Variants in NBEA observed in about 807,000 individuals in gnomAD.
NBEA encodes lysosomal-trafficking regulator 2.
NBEA carries 44 observed loss-of-function variants against 343.4 expected under a neutral mutation model. That is an observed-to-expected ratio of 0.13 (90% CI 0.10 to 0.16). The LOEUF is 0.16. NBEA is among the 10% of genes least tolerant of loss of function. The pLI is 1.00. For missense variants in NBEA, 2,555 were observed against 3,631.3 expected (o/e 0.70, Z 7.62); for synonymous variants, 1,175 against 1,238.7 (o/e 0.95, Z 1.08).
chr13:35,417,329 G>A (rs183878421), intron 38 of NBEA, among the ~76,000 whole-genome samples: 100 of 152,000 alleles, frequency 6.6e-4, no homozygotes, highest in African/African-American at 2.3e-3. Flanking sequence ...TGTGTTGTTA[G>A]GGTGTCAATT....
At chr13:35,484,274 GTATA>G (rs202233951) in intron 41 of NBEA, among the ~76,000 whole-genome samples, 1,930 of 115,074 alleles carry the variant, frequency 0.017, 26 homozygotes, top group African/African-American at 0.042. Context: ...GTGTGTGTGT[GTATA>G]TATATATATA....
At chr13:34,956,887 G>A (rs2059510409) in intron 1 of NBEA, among the ~76,000 whole-genome samples, 2 of 152,038 alleles carry the variant, frequency 1.3e-5, no homozygotes, top group Admixed American at 6.6e-5. Context: ...CCAACCTCGG[G>A]TGATCCGCCC....
intron 30 of NBEA, among the ~76,000 whole-genome samples, chr13:35,188,264 G>A (rs1421993733): frequency 7.9e-6 from 1 of 126,880 alleles, no homozygotes; most frequent in Non-Finnish European, 1.7e-5. Flanking sequence ...TTTTTTTTTT[G>A]TGGTAAGAAT....
intron 41 of NBEA, among the ~76,000 whole-genome samples, chr13:35,495,185 C>T (rs2076634650): frequency 6.6e-6 from 1 of 151,806 alleles, no homozygotes; most frequent in South Asian, 2.1e-4. Flanking sequence ...AAAAGATATG[C>T]ACACAAACAG....
intron 41 of NBEA, among the ~76,000 whole-genome samples, chr13:35,491,476 C>T (rs1335804607): frequency 6.6e-6 from 1 of 151,916 alleles, no homozygotes; most frequent in Non-Finnish European, 1.5e-5. Flanking sequence ...CATCAGTCAT[C>T]TGTACCTCAG....
chr13:35,433,754 A>G (rs1046317832), intron 39 of NBEA, among the ~76,000 whole-genome samples: 5 of 152,056 alleles, frequency 3.3e-5, no homozygotes, highest in African/African-American at 1.2e-4. Flanking sequence ...CCTAAGGATA[A>G]TAGCCCTCTA....
At chr13:35,128,716 A>G (rs1373476659) in intron 17 of NBEA, among the ~76,000 whole-genome samples, 1 of 152,168 alleles carries the variant, frequency 6.6e-6, no homozygotes, top group African/African-American at 2.4e-5. Flanking sequence ...AAAGGGGCCT[A>G]CTAGCCAGAG....
intron 34 of NBEA, chr13:35,251,487 T>G (rs552333167): frequency 6.5e-6 from 7 of 1,075,172 alleles, no homozygotes; most frequent in Non-Finnish European, 7.9e-6. Context: ...GCCAGGTGAG[T>G]GATGACCTTG....
chr13:35,315,385 C>G (rs999002856), intron 36 of NBEA, among the ~76,000 whole-genome samples: 1 of 152,204 alleles, frequency 6.6e-6, no homozygotes, highest in East Asian at 1.9e-4. Context: ...TTAAAGGAAT[C>G]TAACAAAGGA....
chr13:35,128,452 C>A, intron 17 of NBEA, among the ~76,000 whole-genome samples: 1 of 152,044 alleles, frequency 6.6e-6, no homozygotes, highest in East Asian at 1.9e-4. Flanking sequence ...CACAAAAAGC[C>A]AAGAAGATCT....
intron 1 of NBEA, among the ~76,000 whole-genome samples, chr13:35,015,774 TATATTCATA>T (rs2061636742): frequency 1.3e-5 from 2 of 152,090 alleles, no homozygotes; most frequent in Non-Finnish European, 2.9e-5. Flanking sequence ...TATTATGAGT[TATATTCATA>T]ATATAAAAAT....
chr13:35,013,069 A>G (rs2061538188), intron 1 of NBEA, among the ~76,000 whole-genome samples: 2 of 152,168 alleles, frequency 1.3e-5, no homozygotes, highest in Admixed American at 1.3e-4. Flanking sequence ...TAAATATTTA[A>G]ATGTTATTTT....
At chr13:35,555,475 G>T (rs1017024977) in intron 44 of NBEA, among the ~76,000 whole-genome samples, 1 of 152,076 alleles carries the variant, frequency 6.6e-6, no homozygotes. Context: ...ATTCTGCCTA[G>T]TACAGATGTC....
At chr13:35,433,383 T>C (rs1185197467) in intron 39 of NBEA, among the ~76,000 whole-genome samples, 1 of 152,056 alleles carries the variant, frequency 6.6e-6, no homozygotes, top group Non-Finnish European at 1.5e-5. Flanking sequence ...ATTAATTTTC[T>C]TTTATTTGGG....
At chr13:35,209,306 C>T (rs957870320) in intron 32 of NBEA, among the ~76,000 whole-genome samples, 3 of 152,058 alleles carry the variant, frequency 2.0e-5, no homozygotes, top group African/African-American at 7.2e-5. Context: ...GCAGAGCTCC[C>T]CTAAGAACCT....
intron 31 of NBEA, among the ~76,000 whole-genome samples, chr13:35,203,947 A>AT (rs199760774): frequency 1.3e-5 from 2 of 152,170 alleles, no homozygotes; most frequent in African/African-American, 2.4e-5. Flanking sequence ...TAGTATTGAG[A>AT]TTTTTTAAAA....
intron 48 of NBEA, among the ~76,000 whole-genome samples, chr13:35,623,439 A>G (rs2083082662): frequency 6.6e-6 from 1 of 152,140 alleles, no homozygotes; most frequent in Non-Finnish European, 1.5e-5. Flanking sequence ...TGTAAACTGT[A>G]TCTTCTTTTC....
chr13:35,164,973 A>G (rs897631562), intron 24 of NBEA: 12 of 430,816 alleles, frequency 2.8e-5, no homozygotes, highest in African/African-American at 1.2e-4. Flanking sequence ...AAATAGGTCA[A>G]TGTTAACTTT....
chr13:35,371,868 G>A (rs1373957666), intron 38 of NBEA, among the ~76,000 whole-genome samples: 1 of 152,148 alleles, frequency 6.6e-6, no homozygotes, highest in South Asian at 2.1e-4. Context: ...AATTTCTTAA[G>A]CTTTAAACAG....
Sources: gnomAD v4.1 joint callset for allele counts (sites outside exome capture counted in the v4.1 genomes callset) on GRCh38, gnomAD v4.1.1 for gene constraint, MANE v1.5 for transcripts, NCBI Gene and HGNC (gene_info 2026-07-23, HGNC 2026-07-21) for gene names.